TBC1D22A: variants seen among roughly 807,000 people sequenced by gnomAD.
TBC1D22A encodes TBC1 domain family member 22A.
In TBC1D22A, 38 loss-of-function variants were observed where a neutral mutation model predicts 60.2. That is an observed-to-expected ratio of 0.63 (90% CI 0.49 to 0.83). The LOEUF (loss-of-function observed/expected upper bound fraction) is 0.83. Among genes scored for constraint, TBC1D22A ranks in the 40% least tolerant of loss-of-function variants. The pLI is 0.00. For missense variants in TBC1D22A, 628 were observed against 701.0 expected (o/e 0.90, Z 1.18); for synonymous variants, 302 against 281.7 (o/e 1.07, Z -0.72).
intron 3 of TBC1D22A, among the ~76,000 whole-genome samples, chr22:46,794,608 C>G (rs2084570798): frequency 8.1e-6 from 1 of 123,308 alleles, no homozygotes; most frequent in Non-Finnish European, 1.9e-5. Flanking sequence ...TGCCCTGCGG[C>G]AAGTCCATTC....
intron 1 of TBC1D22A, among the ~76,000 whole-genome samples, chr22:46,782,260 G>C (rs965046660): frequency 6.6e-6 from 1 of 152,166 alleles, no homozygotes; most frequent in Admixed American, 6.5e-5. Context: ...TCACCATGTT[G>C]GCCAGGATGG....
At chr22:46,947,129 G>C (rs1454360125) in intron 8 of TBC1D22A, among the ~76,000 whole-genome samples, 1 of 152,050 alleles carries the variant, frequency 6.6e-6, no homozygotes, top group African/African-American at 2.4e-5. Flanking sequence ...CTGCCTCTCT[G>C]AAGAGTGCTG....
chr22:47,050,417 G>A (rs540859976), intron 11 of TBC1D22A, among the ~76,000 whole-genome samples: 59 of 152,304 alleles, frequency 3.9e-4, no homozygotes, highest in South Asian at 1.2e-3. Flanking sequence ...TTATTTCCAT[G>A]GCTGCTATTT....
chr22:47,095,121 T>C (rs969491853), intron 11 of TBC1D22A, among the ~76,000 whole-genome samples: 1 of 152,260 alleles, frequency 6.6e-6, no homozygotes, highest in African/African-American at 2.4e-5. Flanking sequence ...AAAATGGCTG[T>C]GCTCTGCATT....
At chr22:47,040,198 G>A (rs2062796217) in intron 11 of TBC1D22A, among the ~76,000 whole-genome samples, 1 of 152,048 alleles carries the variant, frequency 6.6e-6, no homozygotes, top group Admixed American at 6.5e-5. Context: ...ACCTGCCTCG[G>A]CCTCCCAAAG....
At chr22:46,912,046 C>T in intron 7 of TBC1D22A, 28 bp from the exon 8 acceptor site, 2 of 1,550,132 alleles carry the variant, frequency 1.3e-6, no homozygotes, top group South Asian at 2.3e-5. Flanking sequence ...TTACTTTTTG[C>T]TTTACCACCT....
chr22:46,927,485 C>T (rs2071113691), intron 8 of TBC1D22A, among the ~76,000 whole-genome samples: 2 of 152,194 alleles, frequency 1.3e-5, no homozygotes, highest in African/African-American at 4.8e-5. Flanking sequence ...AATTCTGTGA[C>T]TAACATCATG....
intron 7 of TBC1D22A, among the ~76,000 whole-genome samples, chr22:46,903,373 G>A (rs1276712457): frequency 3.3e-5 from 5 of 152,220 alleles, no homozygotes; most frequent in African/African-American, 7.2e-5. Flanking sequence ...GAGCCAGCCT[G>A]TTTGCCCTCC....
chr22:46,899,468 T>A (rs1302725603), intron 7 of TBC1D22A, among the ~76,000 whole-genome samples: 2 of 151,892 alleles, frequency 1.3e-5, no homozygotes, highest in Non-Finnish European at 2.9e-5. Flanking sequence ...AAAATTTGTC[T>A]TGTGTTGGCC....
chr22:47,070,922 C>T (rs527795553), intron 11 of TBC1D22A, among the ~76,000 whole-genome samples: 23 of 152,272 alleles, frequency 1.5e-4, no homozygotes, highest in African/African-American at 4.8e-4. Context: ...TTGGTTGGAG[C>T]GGAGCTGACC....
intron 3 of TBC1D22A, among the ~76,000 whole-genome samples, chr22:46,795,555 C>T (rs966345476): frequency 2.0e-5 from 3 of 152,240 alleles, no homozygotes; most frequent in Non-Finnish European, 4.4e-5. Context: ...GGCCCATGAC[C>T]TCATTGCCTT....
intron 11 of TBC1D22A, among the ~76,000 whole-genome samples, chr22:47,090,452 G>A (rs747173222): frequency 5.9e-5 from 9 of 152,202 alleles, no homozygotes; most frequent in Non-Finnish European, 8.8e-5. Context: ...GAGTAACTTC[G>A]GGAAATCCCA....
intron 11 of TBC1D22A, among the ~76,000 whole-genome samples, chr22:47,077,498 T>G (rs1288710485): frequency 6.6e-6 from 1 of 152,222 alleles, no homozygotes; most frequent in Non-Finnish European, 1.5e-5. Flanking sequence ...AAGTGGTTTC[T>G]TATTGCTTCG....
chr22:47,110,727 G>T (rs2065815142), intron 11 of TBC1D22A, among the ~76,000 whole-genome samples: 1 of 152,206 alleles, frequency 6.6e-6, no homozygotes, highest in African/African-American at 2.4e-5. Context: ...GGGCAAGGCA[G>T]AGAAGGTAGC....
chr22:47,091,182 G>A (rs2064942198), intron 11 of TBC1D22A, among the ~76,000 whole-genome samples: 1 of 145,832 alleles, frequency 6.9e-6, no homozygotes, highest in African/African-American at 2.6e-5. Flanking sequence ...GGTGGGGAGT[G>A]GCCTCGCGGA....
At chr22:47,014,581 C>G (rs2061850849) in intron 10 of TBC1D22A, among the ~76,000 whole-genome samples, 1 of 152,248 alleles carries the variant, frequency 6.6e-6, no homozygotes. Context: ...GCAGCCCCAT[C>G]CTTCACCTCA....
At chr22:46,916,883 C>T (rs918831455) in intron 8 of TBC1D22A, among the ~76,000 whole-genome samples, 2 of 152,160 alleles carry the variant, frequency 1.3e-5, no homozygotes, top group African/African-American at 4.8e-5. Context: ...TGGGAGAGAT[C>T]GATCATGGAG....
chr22:46,772,805 C>T (rs1031515014), intron 1 of TBC1D22A, among the ~76,000 whole-genome samples: 6 of 151,862 alleles, frequency 4.0e-5, no homozygotes, highest in African/African-American at 1.5e-4. Flanking sequence ...CACCACCATG[C>T]CCAGCTAATT....
intron 9 of TBC1D22A, among the ~76,000 whole-genome samples, chr22:46,984,366 CAAAAAAAAAAAAAAAAAAAAAAA>C (rs136119): frequency 1.4e-3 from 40 of 27,762 alleles, no homozygotes; most frequent in South Asian, 0.014. Flanking sequence ...GACTCCATCT[CAAAAAAAAAAAAAAAAAAAAAAA>C]AAAAAAAAAA....
Sources: allele counts gnomAD v4.1 joint callset (sites outside exome capture counted in the v4.1 genomes callset), GRCh38; gene constraint gnomAD v4.1.1; transcripts MANE v1.5; gene names NCBI Gene and HGNC (gene_info 2026-07-23, HGNC 2026-07-21).